The following KIAA1671 variants were observed in gnomAD, a reference collection of about 807,000 sequenced individuals.
KIAA1671 encodes KIAA1671.
Under a neutral mutation model 131.2 loss-of-function variants are expected in KIAA1671, and 52 were observed. That is an observed-to-expected ratio of 0.40 (90% CI 0.32 to 0.50). The LOEUF (loss-of-function observed/expected upper bound fraction) is 0.50. KIAA1671 is among the 20% of genes least tolerant of loss of function. The pLI, the probability that KIAA1671 is intolerant of heterozygous loss-of-function variation, is 0.73. For synonymous variants in KIAA1671, 1,003 were observed against 961.6 expected, an observed-to-expected ratio of 1.04 and a Z score of -0.80; for missense variants, 2,360 against 2,364.2, an observed-to-expected ratio of 1.00 and a Z score of 0.04.
At chr22:25,156,932 C>T (rs958430141) in intron 6 of KIAA1671, among the ~76,000 whole-genome samples, 4 of 152,204 alleles carry the variant, frequency 2.6e-5, no homozygotes, top group Non-Finnish European at 4.4e-5. Flanking sequence ...CAGGTTTACA[C>T]GTACGCTGCA....
intron 6 of KIAA1671, among the ~76,000 whole-genome samples, chr22:25,088,372 G>T (rs1434808618): frequency 6.6e-6 from 1 of 152,146 alleles, no homozygotes; most frequent in African/African-American, 2.4e-5. Context: ...CTCCCAAAGT[G>T]CTGGGATTAC....
chr22:25,085,515 C>CA (rs201401271), intron 6 of KIAA1671, among the ~76,000 whole-genome samples: 1 of 151,818 alleles, frequency 6.6e-6, no homozygotes, highest in Non-Finnish European at 1.5e-5. Context: ...CACCTCCCCC[C>CA]CCATAACCCC....
At chr22:25,044,026 G>A (rs1038490834) in intron 5 of KIAA1671, among the ~76,000 whole-genome samples, 23 of 132,806 alleles carry the variant, frequency 1.7e-4, no homozygotes, top group Non-Finnish European at 2.8e-4. Flanking sequence ...ATGATCATGC[G>A]GTGAGGATTT....
chr22:25,112,062 C>T, intron 6 of KIAA1671: 1 of 397,610 alleles, frequency 2.5e-6, no homozygotes, highest in Non-Finnish European at 4.4e-6. Flanking sequence ...TTTTTTCCTC[C>T]AAGCAAGCCC....
At chr22:25,013,726 C>G (rs1033137855) in intron 1 of KIAA1671, 1 of 152,264 alleles carries the variant, frequency 6.6e-6, no homozygotes, top group Non-Finnish European at 1.5e-5. Flanking sequence ...TTCCTGCCCC[C>G]TCTTCCTACA....
chr22:25,108,597 A>G (rs1931153713), intron 6 of KIAA1671, among the ~76,000 whole-genome samples: 1 of 152,200 alleles, frequency 6.6e-6, no homozygotes, highest in African/African-American at 2.4e-5. Flanking sequence ...AGTGCGACCT[A>G]GCCCTGTGTA....
intron 5 of KIAA1671, among the ~76,000 whole-genome samples, chr22:25,044,589 C>T (rs1272853694): frequency 6.6e-6 from 1 of 151,986 alleles, no homozygotes; most frequent in South Asian, 2.1e-4. Flanking sequence ...ACCAGCTTCC[C>T]GTTTCTCTCT....
rs74599954 is a variant in KIAA1671, at chr22:25,078,643, C to T, written c.4530+29279C>T. On this transcript the variant is annotated intron_variant, in intron 6 of 12. Coordinates refer to ENST00000358431, the MANE Select transcript of KIAA1671 (RefSeq NM_001145206.2). ...TTATCGTAGTGCCTGGCACTCCATA[C>T]GCACACCGTAAGCAATTACTGTTAC... Among the ~76,000 whole-genome samples, 1,092 of 152,318 alleles carry T rather than the reference C, an allele frequency of 7.2e-3. 7 individuals are homozygous for T. Among genetic ancestry groups the T allele is most frequent in the South Asian group, 0.027 (130 of 4,832 alleles).
intron 5 of KIAA1671, 130 bp downstream of exon 5, chr22:25,041,655 C>T: frequency 2.1e-6 from 2 of 937,732 alleles, no homozygotes; most frequent in South Asian, 1.8e-5. Context: ...GTATGAGGCT[C>T]CAGGGAGGGG....
In KIAA1671 at chr22:25,184,872, G is replaced by A. The variant is rs186724965; in HGVS notation, c.5200-105G>A. 37 of 1,336,918 alleles carry A rather than the reference G, an allele frequency of 2.8e-5. No homozygotes were observed. The East Asian group carries it at 6.5e-4, about 24-fold the overall frequency. The allele number at this position is 1,336,918 out of a possible 1,614,324, so 82.8% of individuals were successfully genotyped here. A position where few individuals can be genotyped will look rare whatever the true frequency, so the allele number is the denominator to read the frequency against. On this transcript the variant is annotated intron_variant, in intron 10 of 12. Transcript: ENST00000358431. ...GTCTGGGTTTATTCCGATTCAGGGG[G>A]CCCCGAGTGTTTGCAGAAGGCTCAT...
chr22:25,060,038 C>T (rs957208272), intron 6 of KIAA1671: 12 of 152,070 alleles, frequency 7.9e-5, no homozygotes, highest in African/African-American at 2.2e-4. Flanking sequence ...GAGCTGTGCC[C>T]GGAAGCCAGG....
chr22:25,183,698 A>G (rs962818773), intron 10 of KIAA1671, among the ~76,000 whole-genome samples: 1 of 151,574 alleles, frequency 6.6e-6, no homozygotes, highest in East Asian at 1.9e-4. Flanking sequence ...AATTTTTTGT[A>G]TTTTTAGTAG....
intron 6 of KIAA1671, chr22:25,052,935 C>CA (rs1927617647): frequency 1.3e-5 from 2 of 152,180 alleles, no homozygotes; most frequent in African/African-American, 4.8e-5. Flanking sequence ...AGGCTGGTCT[C>CA]AAACACCTGA....
At chr22:25,129,253 T>C (rs1932323118) in intron 6 of KIAA1671, among the ~76,000 whole-genome samples, 1 of 152,188 alleles carries the variant, frequency 6.6e-6, no homozygotes, top group Non-Finnish European at 1.5e-5. Context: ...GTATGTTGGC[T>C]CACGCCTGTA....
At position 25,028,520 on chromosome 22, in the gene KIAA1671, C is replaced by G; in HGVS notation, c.521C>G (p.Ser174Cys). Residue 174 changes from serine (S) to cysteine (C), a missense_variant, in exon 3 of 13, where the codon TCC (serine) becomes TGC (cysteine). By Grantham distance (112) the Ser-to-Cys change is moderately radical. This residue lies in a region of KIAA1671 where 1,185 missense variants were observed against 1,126.2 expected (regional missense o/e 1.05). Coordinates refer to ENST00000358431, the MANE Select transcript of KIAA1671 (RefSeq NM_001145206.2). ...AEEAKLGVSG[S>C]RPEVAAKPAL... ...GAGGCCAAGCTAGGTGTGTCCGGCT[C>G]CCGGCCTGAGGTGGCTGCCAAGCCC... The G allele has an allele frequency of 6.5e-7, 1 of 1,549,482 alleles. No homozygotes were observed. Among genetic ancestry groups the G allele is most frequent in the Non-Finnish European group, 8.7e-7 (1 of 1,146,244 alleles).
At chr22:25,003,343 C>G (rs555904981) in intron 1 of KIAA1671, among the ~76,000 whole-genome samples, 5 of 150,394 alleles carry the variant, frequency 3.3e-5, no homozygotes, top group Non-Finnish European at 7.4e-5. Context: ...ATAAAACTTA[C>G]AACTACACAA....
rs145095694 is a variant in KIAA1671 at position 25,177,661 on chromosome 22, T to TC, written c.5074+140dup. 0.021 allele frequency: 15,117 copies of TC among 725,940 alleles called. 1,633 individuals are homozygous for TC. The African/African-American group carries it at 0.24, about 11-fold the overall frequency. The allele number at this position is 725,940 out of a possible 1,614,324, so 45.0% of individuals were successfully genotyped here. A position where few individuals can be genotyped will look rare whatever the true frequency, so the allele number is the denominator to read the frequency against. On this transcript the variant is annotated intron_variant, in intron 9 of 12. Transcript: ENST00000358431. The stretch of plus-strand genomic sequence containing the variant: ...TTACATAGGAAACTGATTTTTTTTT[T>TC]CATGTCTTAAACACACAGGTGTTTA...
At chr22:25,114,086 G>A (rs985455656) in intron 6 of KIAA1671, among the ~76,000 whole-genome samples, 5 of 152,202 alleles carry the variant, frequency 3.3e-5, no homozygotes, top group Admixed American at 3.3e-4. Context: ...TCTCCAGCTG[G>A]TTGAATAAAT....
Position 25,045,915 on chromosome 22 carries a change from C to T in KIAA1671, c.4396-3315C>T, listed in dbSNP as rs928179650. On this transcript the variant is annotated intron_variant, in intron 5 of 12. Transcript: ENST00000358431. ...CTCCCCTTCCTCTTTTTAATGGTTG[C>T]GAAGTATTGTATTATGTGACTGAGC... Among the ~76,000 whole-genome samples, 7 of 150,614 alleles carry T rather than the reference C, an allele frequency of 4.6e-5. No individual in the cohort carries two copies. The South Asian group carries it at 6.6e-4, about 14-fold the overall frequency.
Sources: gnomAD v4.1 joint callset for allele counts (sites outside exome capture counted in the v4.1 genomes callset) on GRCh38, gnomAD v4.1.1 for gene constraint, gnomAD v4.1.1 regional missense constraint, MANE v1.5 for transcripts, NCBI Gene and HGNC (gene_info 2026-07-23, HGNC 2026-07-21) for gene names.